The following GNAL variants were observed in gnomAD, a reference collection of about 807,000 sequenced individuals.
GNAL encodes the protein G protein subunit alpha L, also known as guanine nucleotide-binding protein G(olf) subunit alpha.
A neutral mutation model predicts 55.1 loss-of-function variants in GNAL; 18 were observed. The observed-to-expected ratio is 0.33, with a 90% confidence interval of 0.23 to 0.48. GNAL has a LOEUF of 0.48. Ranked by LOEUF, GNAL falls within the 20% of genes least tolerant of loss-of-function variation. The pLI is 0.99. For synonymous variants in GNAL, 253 were observed against 237.0 expected (o/e 1.07, Z -0.62); for missense variants, 412 against 614.1 (o/e 0.67, Z 3.48).
At chr18:11,835,341 A>G (rs1336683260) in intron 5 of GNAL, among the ~76,000 whole-genome samples, 1 of 151,958 alleles carries the variant, frequency 6.6e-6, no homozygotes, top group Non-Finnish European at 1.5e-5. Flanking sequence ...GTACAATAAA[A>G]TGAAGCTGGG....
chr18:11,857,438 T>C, intron 5 of GNAL: 1 of 974,944 alleles, frequency 1.0e-6, no homozygotes, highest in East Asian at 1.1e-4. Context: ...TCACGTGATG[T>C]TAAAAGAGAC....
intron 1 of GNAL, among the ~76,000 whole-genome samples, chr18:11,717,989 A>G (rs1388790360): frequency 6.6e-6 from 1 of 152,250 alleles, no homozygotes; most frequent in Non-Finnish European, 1.5e-5. Context: ...AAACAAGTCT[A>G]CTAGAAATAG....
At chr18:11,731,315 T>G (rs984867923) in intron 1 of GNAL, among the ~76,000 whole-genome samples, 2 of 152,176 alleles carry the variant, frequency 1.3e-5, no homozygotes, top group Non-Finnish European at 2.9e-5. Flanking sequence ...GCCCAGCTAA[T>G]TTTTGTATTT....
chr18:11,695,775 A>T (rs922432392), intron 1 of GNAL, among the ~76,000 whole-genome samples: 2 of 152,152 alleles, frequency 1.3e-5, no homozygotes, highest in East Asian at 3.9e-4. Flanking sequence ...TCTGTCTGGA[A>T]TACATCTTTC....
At chr18:11,729,186 G>T (rs2032279008) in intron 1 of GNAL, among the ~76,000 whole-genome samples, 2 of 152,112 alleles carry the variant, frequency 1.3e-5, no homozygotes, top group African/African-American at 2.4e-5. Flanking sequence ...TCATAGATGT[G>T]TTGGGTACAA....
chr18:11,772,679 A>C (rs139202725), intron 4 of GNAL, among the ~76,000 whole-genome samples: 1 of 152,316 alleles, frequency 6.6e-6, no homozygotes, highest in African/African-American at 2.4e-5. Context: ...CCTGGAGGCA[A>C]AGCCAGGACT....
intron 1 of GNAL, among the ~76,000 whole-genome samples, chr18:11,703,795 GCA>G (rs35455680): frequency 0.3 from 42,734 of 141,140 alleles, 6,406 homozygotes; most frequent in East Asian, 0.53. Context: ...GTGTTGATGG[GCA>G]CACACACACA....
chr18:11,771,899 G>A (rs902921946), intron 4 of GNAL, among the ~76,000 whole-genome samples: 3 of 151,836 alleles, frequency 2.0e-5, no homozygotes, highest in Non-Finnish European at 4.4e-5. Context: ...GTTTTTTTTA[G>A]TAGTAGAGAT....
chr18:11,767,310 C>G (rs1041020284), intron 4 of GNAL, among the ~76,000 whole-genome samples: 8 of 151,214 alleles, frequency 5.3e-5, no homozygotes, highest in Admixed American at 5.3e-4. Flanking sequence ...CTCTCTGTGC[C>G]TTTACACTTG....
chr18:11,773,367 G>A (rs1325284489), intron 4 of GNAL, among the ~76,000 whole-genome samples: 2 of 152,156 alleles, frequency 1.3e-5, no homozygotes, highest in Admixed American at 1.3e-4. Flanking sequence ...GAGATAAACG[G>A]GATGACACAC....
chr18:11,694,345 C>T (rs2031344947), intron 1 of GNAL, among the ~76,000 whole-genome samples: 1 of 152,168 alleles, frequency 6.6e-6, no homozygotes, highest in Non-Finnish European at 1.5e-5. Flanking sequence ...GCTCTTTCTC[C>T]CCCATGGGGT....
At chr18:11,842,900 TTTGA>T (rs1414953305) in intron 5 of GNAL, among the ~76,000 whole-genome samples, 2 of 152,210 alleles carry the variant, frequency 1.3e-5, no homozygotes, top group Non-Finnish European at 1.5e-5. Flanking sequence ...CTGTTGACTA[TTTGA>T]TTGTTGACTG....
At chr18:11,864,837 T>C (rs192691942) in intron 7 of GNAL, among the ~76,000 whole-genome samples, 4 of 152,280 alleles carry the variant, frequency 2.6e-5, no homozygotes, top group South Asian at 4.1e-4. Context: ...ATCTGAGTTG[T>C]TGATTTGATT....
chr18:11,826,825 T>A (rs573002331), intron 5 of GNAL, among the ~76,000 whole-genome samples: 10 of 152,292 alleles, frequency 6.6e-5, no homozygotes, highest in Non-Finnish European at 1.5e-4. Flanking sequence ...AGTCAGTCTG[T>A]TGTCAGAGCC....
intron 1 of GNAL, among the ~76,000 whole-genome samples, chr18:11,704,150 A>G (rs2031648745): frequency 6.7e-6 from 1 of 150,372 alleles, no homozygotes; most frequent in East Asian, 1.9e-4. Flanking sequence ...GAGCCTGAAC[A>G]TCATGGGTCC....
chr18:11,774,114 C>T (rs2033711945), intron 4 of GNAL, among the ~76,000 whole-genome samples: 2 of 152,174 alleles, frequency 1.3e-5, no homozygotes, highest in African/African-American at 4.8e-5. Context: ...GAGATGTCAT[C>T]CTGGTCACCC....
At chr18:11,726,490 T>C (rs1033570173) in intron 1 of GNAL, among the ~76,000 whole-genome samples, 2 of 152,230 alleles carry the variant, frequency 1.3e-5, no homozygotes, top group Non-Finnish European at 1.5e-5. Flanking sequence ...CAGAATTCAG[T>C]GAGCAGGAGA....
chr18:11,764,206 G>T (rs1041832379), intron 4 of GNAL, among the ~76,000 whole-genome samples: 1 of 152,114 alleles, frequency 6.6e-6, no homozygotes, highest in African/African-American at 2.4e-5. Context: ...TCAAGTTCAA[G>T]CAGTTCTCCT....
At chr18:11,750,848 T>C (rs2032802353) in intron 1 of GNAL, among the ~76,000 whole-genome samples, 1 of 151,978 alleles carries the variant, frequency 6.6e-6, no homozygotes, top group African/African-American at 2.4e-5. Flanking sequence ...GGGACAGAGT[T>C]GAATGTGTTC....
Sources: gnomAD v4.1 joint callset for allele counts (sites outside exome capture counted in the v4.1 genomes callset) on GRCh38, gnomAD v4.1.1 for gene constraint, MANE v1.5 for transcripts, NCBI Gene and HGNC (gene_info 2026-07-23, HGNC 2026-07-21) for gene names.